Variants in PCDH15 observed in about 807,000 individuals in gnomAD.
The protein encoded by PCDH15 is protocadherin-15.
In PCDH15, 129 loss-of-function variants were observed where a neutral mutation model predicts 178.5. The observed-to-expected ratio is 0.72, with a 90% CI of 0.63 to 0.84. The LOEUF (loss-of-function observed/expected upper bound fraction) is 0.84, where lower values mean the gene tolerates loss of function less well. Ranked by LOEUF, PCDH15 falls within the 40% of genes least tolerant of loss-of-function variation. The pLI, the probability that PCDH15 is intolerant of heterozygous loss-of-function variation, is 0.00. For missense variants in PCDH15, 2,230 were observed against 2,099.9 expected, an observed-to-expected ratio of 1.06 and a Z score of -1.21; for synonymous variants, 800 against 732.0, an observed-to-expected ratio of 1.09 and a Z score of -1.50.
intron 2 of PCDH15, among the ~76,000 whole-genome samples, chr10:55,142,256 A>C (rs1276269694): frequency 6.6e-6 from 1 of 152,126 alleles, no homozygotes; most frequent in Non-Finnish European, 1.5e-5. Flanking sequence ...AAAAAGAACA[A>C]AACTATTGAG....
chr10:55,574,184 A>T (rs1203821692), intron 2 of PCDH15, among the ~76,000 whole-genome samples: 1 of 152,010 alleles, frequency 6.6e-6, no homozygotes, highest in Admixed American at 6.6e-5. Context: ...AGTTTTAGCA[A>T]GTTATAACTG....
intron 2 of PCDH15, among the ~76,000 whole-genome samples, chr10:54,627,794 C>T (rs1399692652): frequency 1.3e-5 from 2 of 152,160 alleles, no homozygotes; most frequent in East Asian, 1.9e-4. Context: ...TTGTTCAAGT[C>T]TCTTAGTGTG....
intron 1 of PCDH15, among the ~76,000 whole-genome samples, chr10:55,179,873 T>TGAACTA (rs964127110): frequency 6.6e-5 from 10 of 151,942 alleles, no homozygotes; most frequent in African/African-American, 9.7e-5. Flanking sequence ...TCCTGCTTGC[T>TGAACTA]GAACTACGGG....
intron 2 of PCDH15, among the ~76,000 whole-genome samples, chr10:55,159,670 AT>A (rs951500644): frequency 8.3e-4 from 122 of 147,806 alleles, no homozygotes; most frequent in African/African-American, 2.6e-3. Flanking sequence ...ATAATTATAT[AT>A]CTTTATAAAG....
rs1160515126 is a variant in PCDH15 at position 54,469,989 on chromosome 10, G to A, written c.157+57823C>T. On this transcript the variant is annotated intron_variant, in intron 3 of 37. Transcript: ENST00000644397. ...GCTAATAGTGTAGGTGGGGCAGGAT[G>A]ATACACAGGCCCTTGAAGGGTGTGC... Among the ~76,000 whole-genome samples the A allele has an allele frequency of 3.3e-5, 5 of 152,184 alleles. No individual in the cohort carries two copies. In the South Asian group the frequency reaches 8.3e-4, roughly 25 times the overall value.
At chr10:54,325,420 T>C (rs541382465) in intron 7 of PCDH15, among the ~76,000 whole-genome samples, 16 of 152,210 alleles carry the variant, frequency 1.1e-4, no homozygotes, top group Non-Finnish European at 2.1e-4. Context: ...GTGCTTAATG[T>C]ACATGACTTA....
chr10:55,497,491 T>A (rs1317793087), intron 2 of PCDH15, among the ~76,000 whole-genome samples: 3 of 151,778 alleles, frequency 2.0e-5, no homozygotes, highest in African/African-American at 2.4e-5. Context: ...TTTCTGTAAG[T>A]AATAACACAG....
At chr10:54,366,679 T>A (rs939469839) in intron 5 of PCDH15, among the ~76,000 whole-genome samples, 6 of 100,392 alleles carry the variant, frequency 6.0e-5, no homozygotes, top group Non-Finnish European at 1.1e-4. Context: ...AAATTTCTAT[T>A]TTTTTTTTGA....
At chr10:54,622,731 AAT>A (rs1467357526) in intron 2 of PCDH15, among the ~76,000 whole-genome samples, 1 of 35,072 alleles carries the variant, frequency 2.9e-5, no homozygotes, top group African/African-American at 1.1e-4. Flanking sequence ...TATATTATAT[AAT>A]TATATATATA....
At position 53,857,167 on chromosome 10, in the gene PCDH15, TC is replaced by T. The variant is rs775150264; in HGVS notation, c.3806+7del. The T allele has an allele frequency of 3.2e-6, 5 of 1,563,444 alleles. No individual in the cohort carries two copies. In the South Asian group the frequency reaches 4.5e-5, roughly 14 times the overall value. On this transcript the variant is annotated splice_region_variant and intron_variant, in intron 28 of 37. Coordinates refer to ENST00000644397, the MANE Select transcript of PCDH15 (RefSeq NM_001384140.1). Reference sequence around the variant, plus strand: ...AAAATAAATATATAAGGAGACAAAATCAATTACTCTGTAAGATCTTCTATCT... The same window carrying T: ...AAAATAAATATATAAGGAGACAAAATAATTACTCTGTAAGATCTTCTATCT...
At chr10:54,398,117 A>C (rs1951476479) in intron 3 of PCDH15, among the ~76,000 whole-genome samples, 1 of 152,076 alleles carries the variant, frequency 6.6e-6, no homozygotes, top group Admixed American at 6.6e-5. Flanking sequence ...TATGACTATC[A>C]GACTTATTTC....
chr10:54,421,344 G>T (rs952059272), intron 3 of PCDH15, among the ~76,000 whole-genome samples: 1 of 151,326 alleles, frequency 6.6e-6, no homozygotes, highest in African/African-American at 2.4e-5. Context: ...ACTAGAACAT[G>T]AAATCAATAT....
intron 3 of PCDH15, among the ~76,000 whole-genome samples, chr10:54,853,064 C>A (rs1473075539): frequency 1.3e-5 from 2 of 150,434 alleles, no homozygotes; most frequent in African/African-American, 4.9e-5. Flanking sequence ...AGTTAGAGAC[C>A]AGCCTGACCA....
At chr10:55,180,198 A>G (rs887665967) in intron 1 of PCDH15, among the ~76,000 whole-genome samples, 1 of 152,038 alleles carries the variant, frequency 6.6e-6, no homozygotes, top group Non-Finnish European at 1.5e-5. Context: ...AGTACAAAGT[A>G]AAGAGAGAGA....
At chr10:54,702,967 A>G (rs2095326316) in intron 1 of PCDH15, among the ~76,000 whole-genome samples, 2 of 152,130 alleles carry the variant, frequency 1.3e-5, no homozygotes, top group South Asian at 2.1e-4. Context: ...AATCCTCAGA[A>G]ACAAACAAAC....
intron 3 of PCDH15, among the ~76,000 whole-genome samples, chr10:54,837,744 A>G (rs1953342851): frequency 1.3e-5 from 2 of 152,124 alleles, no homozygotes; most frequent in Admixed American, 1.3e-4. Flanking sequence ...TCATGAATGA[A>G]AATGCCTTTG....
At chr10:54,445,529 T>C (rs2076096619) in intron 3 of PCDH15, among the ~76,000 whole-genome samples, 1 of 151,616 alleles carries the variant, frequency 6.6e-6, no homozygotes, top group Admixed American at 6.6e-5. Context: ...TCATCATTAC[T>C]TCTGCCATCA....
In PCDH15 at chr10:55,568,857, TA is replaced by T. The variant is rs533339332; in HGVS notation, c.-156+58767del. ...TCATTGAGCAAAGATACCCAGGTCT[TA>T]AAGCCATGTCCTCGCTGCATCTGTC... On this transcript the variant is annotated intron_variant, in intron 2 of 5. Coordinates refer to the PCDH15 transcript ENST00000613346. Among the ~76,000 whole-genome samples the T allele has an allele frequency of 6.8e-4, 103 of 152,102 alleles. 1 individual carries two copies. In the South Asian group the frequency reaches 0.011, roughly 17 times the overall value.
intron 3 of PCDH15, among the ~76,000 whole-genome samples, chr10:54,458,771 T>C (rs1244258879): frequency 6.6e-5 from 10 of 152,130 alleles, no homozygotes; most frequent in Non-Finnish European, 1.5e-4. Flanking sequence ...AAAAACAACG[T>C]ATTCAGGGGC....
Sources: allele counts gnomAD v4.1 joint callset (sites outside exome capture counted in the v4.1 genomes callset), GRCh38; gene constraint gnomAD v4.1.1; transcripts MANE v1.5; gene names NCBI Gene and HGNC (gene_info 2026-07-23, HGNC 2026-07-21).